TANC2: variants seen among roughly 807,000 people sequenced by gnomAD.
The protein encoded by TANC2 is protein TANC2.
TANC2 carries 26 observed loss-of-function variants against 210.5 expected under a neutral mutation model. The observed-to-expected ratio is 0.12, with a 90% CI of 0.09 to 0.17. TANC2 has a LOEUF of 0.17. Among genes scored for constraint, TANC2 ranks in the 10% least tolerant of loss-of-function variants. The pLI is 1.00. For missense variants in TANC2, 2,129 were observed against 2,608.9 expected (o/e 0.82, Z 4.01); for synonymous variants, 931 against 967.1 (o/e 0.96, Z 0.69).
At chr17:63,358,372 A>AGTGTGT (rs1377701936) in intron 14 of TANC2, among the ~76,000 whole-genome samples, 139 of 114,988 alleles carry the variant, frequency 1.2e-3, no homozygotes, top group African/African-American at 5.3e-3. Flanking sequence ...AGAGAGAGAG[A>AGTGTGT]GAGAGTATGT....
At chr17:63,264,822 G>C (rs1295945217) in intron 8 of TANC2, among the ~76,000 whole-genome samples, 1 of 152,086 alleles carries the variant, frequency 6.6e-6, no homozygotes, top group Non-Finnish European at 1.5e-5. Context: ...AGCTGAGCGT[G>C]GTGATGCATG....
intron 3 of TANC2, among the ~76,000 whole-genome samples, chr17:63,092,681 G>A (rs1358225355): frequency 6.6e-6 from 1 of 151,988 alleles, no homozygotes; most frequent in Non-Finnish European, 1.5e-5. Flanking sequence ...GCAGGAGCAA[G>A]GGGTGGAGGG....
chr17:63,021,798 G>T (rs1208071571), intron 2 of TANC2, among the ~76,000 whole-genome samples: 3 of 152,152 alleles, frequency 2.0e-5, no homozygotes, highest in African/African-American at 7.2e-5. Flanking sequence ...GAGCGTTAAG[G>T]GTAATTCTGG....
At chr17:63,009,623 A>G (rs2033775606) in exon 2 of TANC2, 1 of 1,612,556 alleles carries the variant, frequency 6.2e-7, no homozygotes. Context: ...AAACAGGTCA[A>G]GTGGTAAGTG....
chr17:63,000,412 G>T (rs578094717), intron 1 of TANC2, among the ~76,000 whole-genome samples: 6 of 152,014 alleles, frequency 3.9e-5, no homozygotes, highest in Non-Finnish European at 8.8e-5. Context: ...TATACAGGAG[G>T]GATGAACATT....
intron 3 of TANC2, among the ~76,000 whole-genome samples, chr17:63,080,070 C>CTT (rs1568367674): frequency 6.6e-6 from 1 of 152,092 alleles, no homozygotes; most frequent in Non-Finnish European, 1.5e-5. Context: ...TATATTTTGT[C>CTT]TTATTTGTCT....
At chr17:63,255,099 A>G (rs999960220) in intron 8 of TANC2, among the ~76,000 whole-genome samples, 4 of 135,006 alleles carry the variant, frequency 3.0e-5, no homozygotes, top group African/African-American at 8.2e-5. Context: ...TTATTTATTT[A>G]TTTATTTTTA....
intron 2 of TANC2, among the ~76,000 whole-genome samples, chr17:63,021,933 G>A (rs1349727024): frequency 6.6e-6 from 1 of 152,162 alleles, no homozygotes; most frequent in Non-Finnish European, 1.5e-5. Flanking sequence ...AGATTTCAGA[G>A]GTAAATGAGG....
intron 1 of TANC2, among the ~76,000 whole-genome samples, chr17:63,007,951 A>G (rs577550197): frequency 7.5e-6 from 1 of 133,002 alleles, no homozygotes; most frequent in Non-Finnish European, 1.6e-5. Context: ...TTGCAAAGAT[A>G]TTTTTAAACT....
In TANC2 at chr17:63,141,379, T is replaced by TAAAAAAAA. The variant is rs71155970; in HGVS notation, c.323-9860_323-9853dup. 9.1e-4 allele frequency among the ~76,000 whole-genome samples: 20 copies of TAAAAAAAA among 21,876 alleles called. 4 individuals carry two copies. The South Asian group carries it at 9.2e-3, about 10-fold the overall frequency. The allele number at this position is 21,876 out of a possible 152,430, so 14.4% of individuals were successfully genotyped here. On this transcript the variant is annotated intron_variant, in intron 4 of 27. Coordinates refer to ENST00000689528, the Ensembl canonical transcript of TANC2. ...CAACATGCTAAAACCCCGTTTCTAC[T>TAAAAAAAA]AAAAAAAAAAAAAAAAAAAAAAAAA...
At chr17:63,413,414 A>T in intron 24 of TANC2, 129 bp from the exon 25 acceptor site, 1 of 616,372 alleles carries the variant, frequency 1.6e-6, no homozygotes, top group Non-Finnish European at 2.8e-6. Context: ...GGTCTAAAAG[A>T]TGAGGTACTA....
intron 8 of TANC2, among the ~76,000 whole-genome samples, chr17:63,265,362 A>G (rs1325869252): frequency 2.6e-5 from 4 of 152,214 alleles, no homozygotes; most frequent in East Asian, 1.9e-4. Flanking sequence ...TACTCAACCT[A>G]TATCAGTCTT....
chr17:63,040,507 C>T (rs2035144556), intron 2 of TANC2, among the ~76,000 whole-genome samples: 1 of 152,050 alleles, frequency 6.6e-6, no homozygotes, highest in Non-Finnish European at 1.5e-5. Flanking sequence ...GAGATGTTTA[C>T]TTAAGCCACA....
chr17:63,320,467 G>C (rs984019740), intron 11 of TANC2: 2 of 151,998 alleles, frequency 1.3e-5, no homozygotes, highest in African/African-American at 4.8e-5. Context: ...CTTCATTTTG[G>C]TGGAGCATAT....
intron 1 of TANC2, among the ~76,000 whole-genome samples, chr17:62,986,096 A>G (rs2032553120): frequency 6.6e-6 from 1 of 152,162 alleles, no homozygotes; most frequent in South Asian, 2.1e-4. Flanking sequence ...GCTGTAGTGT[A>G]GTGTCCATGT....
chr17:63,034,566 T>A (rs1159071163), intron 2 of TANC2, among the ~76,000 whole-genome samples: 1 of 152,202 alleles, frequency 6.6e-6, no homozygotes, highest in African/African-American at 2.4e-5. Context: ...CTCTGATGGA[T>A]CTAGGCAAAG....
intron 2 of TANC2, among the ~76,000 whole-genome samples, chr17:63,070,670 TA>T (rs137968921): frequency 2.0e-5 from 3 of 151,984 alleles, no homozygotes; most frequent in East Asian, 1.9e-4. Flanking sequence ...TGTAAATGGT[TA>T]AAAAAAATTA....
rs1194197262 is a variant in TANC2 at position 63,220,732 on chromosome 17, A to G, written c.770-17082A>G. Among the ~76,000 whole-genome samples the G allele has an allele frequency of 2.5e-4, 36 of 144,808 alleles. No homozygotes were observed. In the East Asian group the frequency reaches 7.0e-3, roughly 28 times the overall value. 95.0% of individuals were successfully genotyped at this position (144,808 alleles called of 152,430 possible). A position where few individuals can be genotyped will look rare whatever the true frequency, so the allele number is the denominator to read the frequency against. ...AAAAAAAAAAAAAATATATATATATATATATGTATATATATATGTGTATAT... is the reference window on the plus strand; with the variant it reads ...AAAAAAAAAAAAAATATATATATATGTATATGTATATATATATGTGTATAT... On this transcript the variant is annotated intron_variant, in intron 7 of 27. Transcript: ENST00000689528.
intron 4 of TANC2, among the ~76,000 whole-genome samples, chr17:63,123,683 CTTTTTTTT>C (rs957485298): frequency 2.1e-5 from 2 of 93,890 alleles, no homozygotes; most frequent in Non-Finnish European, 4.0e-5. Flanking sequence ...TAGGTAAAAT[CTTTTTTTT>C]TTTTTTTTTT....
Sources: gnomAD v4.1 joint callset for allele counts (sites outside exome capture counted in the v4.1 genomes callset) on GRCh38, gnomAD v4.1.1 for gene constraint, MANE v1.5 for transcripts, NCBI Gene and HGNC (gene_info 2026-07-23, HGNC 2026-07-21) for gene names.